The following ITGA2 variants were observed in gnomAD, a reference collection of about 807,000 sequenced individuals.
ITGA2 encodes integrin alpha-2.
In ITGA2, 101 loss-of-function variants were observed where a neutral mutation model predicts 146.3. The observed-to-expected ratio is 0.69, with a 90% CI of 0.59 to 0.81. The LOEUF is 0.81. ITGA2 is among the 40% of genes least tolerant of loss of function. The probability of loss-of-function intolerance (pLI) is 0.00; values close to 1 mark genes in which losing one functional copy is unlikely to be tolerated. For missense variants in ITGA2, 1,281 were observed against 1,402.7 expected, an observed-to-expected ratio of 0.91 and a Z score of 1.39; for synonymous variants, 477 against 487.1, an observed-to-expected ratio of 0.98 and a Z score of 0.27.
At chr5:53,084,814 G>A (rs1746083805) in intron 27 of ITGA2, among the ~76,000 whole-genome samples, 1 of 152,166 alleles carries the variant, frequency 6.6e-6, no homozygotes. Context: ...ACATCAAAAT[G>A]CACACATGCC....
Position 53,011,795 on chromosome 5 carries a change from C to T in ITGA2, c.65-14953C>T, listed in dbSNP as rs549923709. 2.6e-5 allele frequency among the ~76,000 whole-genome samples: 4 copies of T among 151,928 alleles called. No homozygotes were observed. The East Asian group carries it at 5.8e-4, about 22-fold the overall frequency. ...AAGGTAGGATGGGACCAAGAAAACC[C>T]GGACTCAGAAGGATGTTGGAATTAG... On this transcript the variant is annotated intron_variant, in intron 1 of 29. Transcript: ENST00000296585.
At chr5:53,021,592 G>C (rs1271151720) in intron 1 of ITGA2, among the ~76,000 whole-genome samples, 1 of 152,156 alleles carries the variant, frequency 6.6e-6, no homozygotes, top group Non-Finnish European at 1.5e-5. Context: ...GCATGCTCTA[G>C]TTGCTCACTA....
chr5:53,086,963 G>A lies in ITGA2; in HGVS notation c.3270G>A (p.Gln1090=), dbSNP rs762623021. The change falls in exon 28 of 30, where the codon CAG becomes CAA. Residue 1090 remains glutamine, a synonymous_variant. Coordinates refer to ENST00000296585, the MANE Select transcript of ITGA2 (RefSeq NM_002203.4). ...WNGTFASSTF[Q]TVQLTAAAEI... is the part of the protein sequence containing the mutation. ...TTCTTATGTTCCAGTCAACGTTCCAGACAGTACAGCTAACGGCAGCTGCAG... is the reference window on the plus strand; with the variant it reads ...TTCTTATGTTCCAGTCAACGTTCCAAACAGTACAGCTAACGGCAGCTGCAG... 2.5e-6 allele frequency: 4 copies of A among 1,613,344 alleles called. No individual in the cohort carries two copies. The highest frequency in any genetic ancestry group is 3.4e-6 in the Non-Finnish European group (4 of 1,179,346).
At chr5:53,075,637 A>G (rs1208302849) in intron 23 of ITGA2, among the ~76,000 whole-genome samples, 1 of 151,962 alleles carries the variant, frequency 6.6e-6, no homozygotes, top group Non-Finnish European at 1.5e-5. Context: ...AGGTCCTGAG[A>G]GTTGTCTTCA....
In ITGA2 at chr5:52,989,492, C is replaced by T; in HGVS notation, c.24C>T (p.Ala8=). The T allele has an allele frequency of 1.2e-6, 2 of 1,614,138 alleles. No individual in the cohort carries two copies. Among genetic ancestry groups the T allele is most frequent in the Non-Finnish European group, 1.7e-6 (2 of 1,180,006 alleles). The change falls in exon 1 of 30, where the codon GCC becomes GCT. Residue 8 remains alanine, a synonymous_variant. Transcript: ENST00000296585. MGPERTG[A]APLPLLLVLA... ...GGATGGGGCCAGAACGGACAGGGGC[C>T]GCGCCGCTGCCGCTGCTGCTGGTGT...
intron 1 of ITGA2, among the ~76,000 whole-genome samples, chr5:52,999,699 G>A (rs936186682): frequency 6.6e-6 from 1 of 152,146 alleles, no homozygotes; most frequent in African/African-American, 2.4e-5. Flanking sequence ...GTCCCACAGG[G>A]AGATGTTACC....
At chr5:53,044,524 A>G (rs1252620573) in intron 3 of ITGA2, among the ~76,000 whole-genome samples, 1 of 151,940 alleles carries the variant, frequency 6.6e-6, no homozygotes, top group Non-Finnish European at 1.5e-5. Flanking sequence ...TATTTAGTAT[A>G]TTATATGACT....
At chr5:53,038,300 A>C (rs772440822) in intron 2 of ITGA2, among the ~76,000 whole-genome samples, 2 of 151,988 alleles carry the variant, frequency 1.3e-5, no homozygotes, top group Non-Finnish European at 2.9e-5. Context: ...GGATGGTTGG[A>C]AATGTGCATA....
rs548479628 is a variant in ITGA2, at chr5:53,069,660, T to C, written c.2084-449T>C. On this transcript the variant is annotated intron_variant, in intron 16 of 29. Coordinates refer to ENST00000296585, the MANE Select transcript of ITGA2 (RefSeq NM_002203.4). Reference sequence around the variant, plus strand: ...TTATTCTAGTACATTATTTGAAAAATAAGATAATAAAATTCACTTTCCAGA... The same window carrying C: ...TTATTCTAGTACATTATTTGAAAAACAAGATAATAAAATTCACTTTCCAGA... Among the ~76,000 whole-genome samples the C allele has an allele frequency of 3.9e-5, 6 of 152,010 alleles. No individual in the cohort carries two copies. In the South Asian group the frequency reaches 1.2e-3, roughly 32 times the overall value.
rs11421419 is a variant in ITGA2, at chr5:53,044,274, CAAAAAAAAAAAAA to C, written c.296-707_296-695del. On this transcript the variant is annotated intron_variant, in intron 3 of 29. Transcript: ENST00000296585. ...TGGATGACAGAGTGAGACTCTGTCT[CAAAAAAAAAAAAA>C]AAAAAAAAAAAAAAAAAAAGAAAGG... Among the ~76,000 whole-genome samples the C allele has an allele frequency of 2.1e-3, 80 of 37,780 alleles. 1 individual carries two copies. The highest frequency in any genetic ancestry group is 0.01 in the African/African-American group (68 of 6,556). 24.8% of individuals were successfully genotyped at this position (37,780 alleles called of 152,430 possible).
At chr5:53,063,029 G>A (rs2111969002) in intron 13 of ITGA2, 100 bp downstream of exon 13, 4 of 952,996 alleles carry the variant, frequency 4.2e-6, no homozygotes, top group Non-Finnish European at 6.4e-6. Flanking sequence ...ATGATAATTT[G>A]CACAGATAGT....
At position 53,051,536 on chromosome 5, in the gene ITGA2, A is replaced by C. The variant is rs61737774; in HGVS notation, c.756A>C (p.Thr252=). The change falls in exon 7 of 30, where the codon ACA becomes ACC. Residue 252 remains threonine, a synonymous_variant. Coordinates refer to ENST00000296585, the MANE Select transcript of ITGA2 (RefSeq NM_002203.4). ...TSQYGGDLTN[T]FGAIQYARKY... ...AATATGGTGGGGACCTCACAAACAC[A>C]TTCGGAGCAATTCAATATGCAAGGT... 9,828 of 1,613,672 alleles carry C rather than the reference A, an allele frequency of 6.1e-3. 36 individuals are homozygous for C. The highest frequency in any genetic ancestry group is 7.8e-3 in the Non-Finnish European group (9,144 of 1,179,712).
intron 28 of ITGA2, among the ~76,000 whole-genome samples, chr5:53,088,712 G>A (rs10065693): frequency 0.11 from 16,361 of 147,692 alleles, 1,098 homozygotes; most frequent in African/African-American, 0.18. Context: ...AAAGTAAAGA[G>A]AAAGTACTTT....
rs1037233732 is a variant in ITGA2, at chr5:53,065,111, C to G, written c.1802C>G (p.Ser601Cys). 1 of 1,611,958 alleles carries G rather than the reference C, an allele frequency of 6.2e-7. No homozygotes were observed. Among genetic ancestry groups the G allele is most frequent in the African/African-American group, 1.3e-5 (1 of 74,758 alleles). Reference protein sequence around the residue: ...GHQGTIRTKYSQKILGSDGAF... With the variant: ...GHQGTIRTKYCQKILGSDGAF... ...CAGGGCACTATCCGCACAAAGTATTCCCAGGTAATCCATGAGCTGTTATGG... is the reference window on the plus strand; with the variant it reads ...CAGGGCACTATCCGCACAAAGTATTGCCAGGTAATCCATGAGCTGTTATGG... The change falls in exon 14 of 30, where the codon TCC (serine) becomes TGC (cysteine). Residue 601 changes from serine (S) to cysteine (C), a missense_variant. Ser to Cys is a moderately radical substitution (Grantham distance 112). Around this residue, in one of 3 missense-constraint regions of ITGA2, gnomAD observed 795 missense variants for 841.7 expected, o/e 0.94. Transcript: ENST00000296585.
intron 1 of ITGA2, among the ~76,000 whole-genome samples, chr5:52,996,215 A>G (rs1179385719): frequency 6.6e-6 from 1 of 152,186 alleles, no homozygotes; most frequent in Non-Finnish European, 1.5e-5. Flanking sequence ...AATTATTATA[A>G]GGAGATTTTT....
intron 1 of ITGA2, among the ~76,000 whole-genome samples, chr5:53,016,453 C>T (rs752000982): frequency 6.2e-4 from 95 of 152,176 alleles, no homozygotes; most frequent in South Asian, 2.1e-4. Flanking sequence ...TTATAAGGTT[C>T]GTTGTTAGCC....
At chr5:53,077,960 C>G (rs934735475) in intron 23 of ITGA2, among the ~76,000 whole-genome samples, 1 of 152,000 alleles carries the variant, frequency 6.6e-6, no homozygotes, top group Admixed American at 6.6e-5. Context: ...ATCCCCTAAT[C>G]CCCCACGCAA....
chr5:53,051,377 G>T, intron 6 of ITGA2, 34 bp from the exon 7 acceptor site: 1 of 1,602,640 alleles, frequency 6.2e-7, no homozygotes, highest in South Asian at 1.1e-5. Flanking sequence ...TTAATGTAAT[G>T]ACAGCCCATT....
At chr5:53,085,706 C>G (rs535394833) in intron 27 of ITGA2, among the ~76,000 whole-genome samples, 60 of 152,120 alleles carry the variant, frequency 3.9e-4, no homozygotes, top group Non-Finnish European at 7.8e-4. Context: ...TTCTTTCTGG[C>G]TCCCAGATAT....
Sources: allele counts gnomAD v4.1 joint callset (sites outside exome capture counted in the v4.1 genomes callset), GRCh38; gene constraint gnomAD v4.1.1; regional missense constraint gnomAD v4.1.1; transcripts MANE v1.5; gene names NCBI Gene and HGNC (gene_info 2026-07-23, HGNC 2026-07-21).